The following CASZ1 variants were observed in gnomAD, a reference collection of about 807,000 sequenced individuals.
CASZ1 encodes zinc finger protein castor homolog 1.
Under a neutral mutation model 135.2 loss-of-function variants are expected in CASZ1, and 28 were observed. The ratio of observed to expected loss-of-function variants is 0.21; its 90% CI spans 0.15 to 0.28. CASZ1 has a LOEUF of 0.28. Ranked by LOEUF, CASZ1 falls within the 10% of genes least tolerant of loss-of-function variation. The pLI is 1.00. For synonymous variants in CASZ1, 1,068 were observed against 1,073.4 expected, an observed-to-expected ratio of 0.99 and a Z score of 0.10; for missense variants, 2,161 against 2,453.3, an observed-to-expected ratio of 0.88 and a Z score of 2.52.
In CASZ1 at chr1:10,638,777, T is replaced by A. The variant is rs1255496226; in HGVS notation, c.*165A>T. On this transcript the variant is annotated 3_prime_UTR_variant, in exon 21 of 21. Coordinates refer to ENST00000377022, the MANE Select transcript of CASZ1 (RefSeq NM_001079843.3). The surrounding 1 kb of genome is among the most constrained non-coding windows in gnomAD (Gnocchi z 5.9). ...AGGGCCACCGCCGCCGCCTGTGTCC[T>A]CGGCCGCGGAGCACCAGAGGGGTCC... 18 of 661,408 alleles carry A rather than the reference T, an allele frequency of 2.7e-5. No homozygotes were observed. The highest frequency in any genetic ancestry group is 3.4e-5 in the Non-Finnish European group (18 of 534,460). The allele number at this position is 661,408 out of a possible 1,614,324, so 41.0% of individuals were successfully genotyped here. A position where few individuals can be genotyped will look rare whatever the true frequency, so the allele number is the denominator to read the frequency against.
intron 3 of CASZ1, among the ~76,000 whole-genome samples, chr1:10,696,350 C>G (rs986818094): frequency 2.6e-5 from 4 of 152,158 alleles, no homozygotes; most frequent in African/African-American, 9.7e-5. Flanking sequence ...GGCCTAGAAA[C>G]CTTACTGAGC....
chr1:10,775,303 A>T (rs1640643664), intron 1 of CASZ1, among the ~76,000 whole-genome samples: 1 of 152,114 alleles, frequency 6.6e-6, no homozygotes, highest in African/African-American at 2.4e-5. Context: ...CACCCCTTTC[A>T]TTCCCTTCTC....
At position 10,653,737 on chromosome 1, in the gene CASZ1, C is replaced by T. The variant is rs985886550; in HGVS notation, c.2320G>A (p.Gly774Arg). The T allele has an allele frequency of 1.2e-6, 2 of 1,608,688 alleles. No homozygotes were observed. Among genetic ancestry groups the T allele is most frequent in the South Asian group, 2.2e-5 (2 of 90,460 alleles). The change falls in exon 11 of 21, where the codon GGG (glycine) becomes AGG (arginine). Residue 774 changes from glycine (G) to arginine (R), a missense_variant. Coordinates refer to ENST00000377022, the MANE Select transcript of CASZ1 (RefSeq NM_001079843.3). The part of the protein sequence containing the change: ...ATKPPNSKIS[G>R]LLPQGLPGSI... ...CCAGGCAGGCCCTGGGGCAGCAGCC[C>T]CGAGATCTTGCTGTTGGGAGGTTTG...
rs988399727 is a variant in CASZ1 at position 10,794,014 on chromosome 1, C to T, written c.-234+2550G>A. Among the ~76,000 whole-genome samples the T allele has an allele frequency of 6.6e-5, 10 of 152,292 alleles. No individual in the cohort carries two copies. In the East Asian group the frequency reaches 1.9e-3, roughly 29 times the overall value. On this transcript the variant is annotated intron_variant, in intron 1 of 20. Coordinates refer to ENST00000377022, the MANE Select transcript of CASZ1 (RefSeq NM_001079843.3). This position sits in a 1 kb window ranked among gnomAD's most constrained non-coding sequence, Gnocchi z 5.6. Reference sequence around the variant, plus strand: ...TGCGCTCGGGCGCCGAACGGCCCAGCGCCCCCTCCGGGCACGTGGAGCGCA... The same window carrying T: ...TGCGCTCGGGCGCCGAACGGCCCAGTGCCCCCTCCGGGCACGTGGAGCGCA...
intron 4 of CASZ1, among the ~76,000 whole-genome samples, chr1:10,670,460 C>T (rs1255091189): frequency 1.3e-5 from 2 of 152,218 alleles, no homozygotes; most frequent in Non-Finnish European, 2.9e-5. Flanking sequence ...TTCCACCCTG[C>T]CATTTACTTC....
chr1:10,705,895 C>A (rs963406369), intron 2 of CASZ1, among the ~76,000 whole-genome samples: 1 of 152,246 alleles, frequency 6.6e-6, no homozygotes, highest in African/African-American at 2.4e-5. Flanking sequence ...GGTGAAGTGG[C>A]CTGCACGCTC....
chr1:10,711,934 G>T lies in CASZ1; in HGVS notation c.-76-6390C>A, dbSNP rs956066991. On this transcript the variant is annotated intron_variant, in intron 2 of 20. Transcript: ENST00000377022. This position sits in a 1 kb window ranked among gnomAD's most constrained non-coding sequence, Gnocchi z 4.4. Reference sequence around the variant, plus strand: ...CCAGGGACTGGGGGAAGGGGACAGTGAGGAGGGACTGCTAAGGGGTTCAGG... The same window carrying T: ...CCAGGGACTGGGGGAAGGGGACAGTTAGGAGGGACTGCTAAGGGGTTCAGG... Among the ~76,000 whole-genome samples, 1 of 152,196 alleles carries T rather than the reference G, an allele frequency of 6.6e-6. No homozygotes were observed. Among genetic ancestry groups the T allele is most frequent in the African/African-American group, 2.4e-5 (1 of 41,450 alleles).
chr1:10,715,909 C>G (rs1639377941), intron 2 of CASZ1, among the ~76,000 whole-genome samples: 1 of 137,442 alleles, frequency 7.3e-6, no homozygotes, highest in Admixed American at 7.2e-5. Context: ...ACCCAATCCT[C>G]TCCCCACAGC....
In CASZ1 at chr1:10,788,281, A is replaced by G. The variant is rs1640894181; in HGVS notation, c.-234+8283T>C. Among the ~76,000 whole-genome samples the G allele has an allele frequency of 1.3e-5, 2 of 152,162 alleles. No homozygotes were observed. Among genetic ancestry groups the G allele is most frequent in the South Asian group, 4.2e-4 (2 of 4,812 alleles). ...CCTGAGTGCTAGCCCCGATCCACCT[A>G]TGGGGTCCCCTGGGTGACAGTTTGA... On this transcript the variant is annotated intron_variant, in intron 1 of 20. Transcript: ENST00000377022. The surrounding 1 kb of genome is among the most constrained non-coding windows in gnomAD (Gnocchi z 4.1).
chr1:10,677,787 G>T (rs1320025274), intron 4 of CASZ1, among the ~76,000 whole-genome samples: 2 of 152,224 alleles, frequency 1.3e-5, no homozygotes, highest in African/African-American at 4.8e-5. Flanking sequence ...ATTGCACCAG[G>T]CCCCTCGGGC....
intron 2 of CASZ1, among the ~76,000 whole-genome samples, chr1:10,754,423 G>A (rs754728315): frequency 7.2e-5 from 11 of 152,152 alleles, no homozygotes; most frequent in Non-Finnish European, 1.6e-4. Flanking sequence ...ATAGCCAGAG[G>A]TGACAGGTCA....
chr1:10,765,983 C>G (rs142460406), intron 1 of CASZ1, among the ~76,000 whole-genome samples: 3 of 152,164 alleles, frequency 2.0e-5, no homozygotes, highest in Non-Finnish European at 4.4e-5. Context: ...CAAAAAAGGG[C>G]GTGTCGCCAG....
Position 10,640,042 on chromosome 1 carries a change from G to A in CASZ1, c.4180C>T (p.Pro1394Ser). The stretch of plus-strand genomic sequence containing the variant: ...CGCTTTTTGGCCCCCGAGGCTGTCG[G>A]CATAGAGATGGTGTTCCCTGGGGAG... ...STAAGNTISM[P>S]TASGAKKRFW... is the part of the protein sequence containing the mutation. The change falls in exon 21 of 21, where the codon CCG (proline) becomes TCG (serine). Residue 1394 changes from proline (P) to serine (S), a missense_variant. This residue lies in a region of CASZ1 where 143 missense variants were observed against 128.3 expected (regional missense o/e 1.11). Transcript: ENST00000377022. The A allele has an allele frequency of 6.2e-7, 1 of 1,607,530 alleles. No homozygotes were observed. Among genetic ancestry groups the A allele is most frequent in the Non-Finnish European group, 8.5e-7 (1 of 1,179,232 alleles).
At chr1:10,745,933 G>T (rs1270120515) in intron 2 of CASZ1, among the ~76,000 whole-genome samples, 1 of 152,078 alleles carries the variant, frequency 6.6e-6, no homozygotes, top group African/African-American at 2.4e-5. Flanking sequence ...AGGCCTGGTG[G>T]CCGTGGTGCT....
intron 5 of CASZ1, among the ~76,000 whole-genome samples, chr1:10,664,339 G>A (rs1415963798): frequency 2.1e-5 from 3 of 142,780 alleles, no homozygotes; most frequent in African/African-American, 7.5e-5. Context: ...TGGAACCCCC[G>A]GCCCACCCTC....
intron 2 of CASZ1, among the ~76,000 whole-genome samples, chr1:10,722,276 G>A (rs1404010700): frequency 1.3e-5 from 2 of 152,184 alleles, no homozygotes; most frequent in South Asian, 2.1e-4. Flanking sequence ...ATTCTCAAAC[G>A]CCAAGGGGGA....
At chr1:10,731,713 C>G (rs546841014) in intron 2 of CASZ1, among the ~76,000 whole-genome samples, 78 of 152,324 alleles carry the variant, frequency 5.1e-4, no homozygotes, top group African/African-American at 1.7e-3. Flanking sequence ...CTGTGAGAGT[C>G]TGTGATAGTC....
intron 17 of CASZ1, among the ~76,000 whole-genome samples, chr1:10,645,466 C>T (rs1295499522): frequency 1.3e-5 from 2 of 152,106 alleles, no homozygotes; most frequent in Non-Finnish European, 2.9e-5. Flanking sequence ...GGAGGCAGAG[C>T]TTGCAGTGAG....
At chr1:10,652,142 G>A (rs994956659) in intron 11 of CASZ1, 20 of 80,454 alleles carry the variant, frequency 2.5e-4, no homozygotes, top group Admixed American at 7.7e-4. Flanking sequence ...CCAGGAAAAC[G>A]GCCCAGCTCC....
Sources: allele counts gnomAD v4.1 joint callset (sites outside exome capture counted in the v4.1 genomes callset), GRCh38; gene constraint gnomAD v4.1.1; regional missense constraint gnomAD v4.1.1; non-coding constraint Gnocchi (gnomAD v3.1); transcripts MANE v1.5; gene names NCBI Gene and HGNC (gene_info 2026-07-23, HGNC 2026-07-21).